SNTG2: variants seen among roughly 807,000 people sequenced by gnomAD.
SNTG2 encodes the protein syntrophin gamma 2, also known as gamma-2-syntrophin.
SNTG2 carries 74 observed loss-of-function variants against 70.9 expected under a neutral mutation model. The ratio of observed to expected loss-of-function variants is 1.04; its 90% CI spans 0.86 to 1.27. The LOEUF (loss-of-function observed/expected upper bound fraction) is 1.27. Among genes scored for constraint, SNTG2 ranks in the 50% most tolerant of loss-of-function variants. The pLI, the probability that SNTG2 is intolerant of heterozygous loss-of-function variation, is 0.00. For missense variants in SNTG2, 717 were observed against 690.7 expected (o/e 1.04, Z -0.43); for synonymous variants, 278 against 273.8 (o/e 1.02, Z -0.15).
At chr2:1,184,614 C>A (rs1672132710) in intron 8 of SNTG2, among the ~76,000 whole-genome samples, 1 of 152,108 alleles carries the variant, frequency 6.6e-6, no homozygotes, top group African/African-American at 2.4e-5. Flanking sequence ...ATGGCCAGAG[C>A]AGGAGGAAGA....
intron 8 of SNTG2, among the ~76,000 whole-genome samples, chr2:1,197,515 A>ATGTGTGTGTG (rs71299845): frequency 7.2e-4 from 93 of 128,378 alleles, no homozygotes; most frequent in South Asian, 2.2e-3. Context: ...ATGTATATAT[A>ATGTGTGTGTG]TGTGTGTGTG....
At chr2:1,117,207 C>T (rs1572483218) in intron 4 of SNTG2, among the ~76,000 whole-genome samples, 1 of 152,084 alleles carries the variant, frequency 6.6e-6, no homozygotes, top group Non-Finnish European at 1.5e-5. Context: ...GTAAGAACAT[C>T]ACTCAAGATG....
At position 1,225,002 on chromosome 2, in the gene SNTG2, C is replaced by T. The variant is rs574717105; in HGVS notation, c.720-12886C>T. On this transcript the variant is annotated intron_variant, in intron 9 of 16. Transcript: ENST00000308624. ...GAGCTGTGTAAGCAGTGGCCATTCA[C>T]GTGGCTTTAATGTACAGAAGAGGCT... 2.0e-4 allele frequency among the ~76,000 whole-genome samples: 30 copies of T among 152,330 alleles called. No individual in the cohort carries two copies. The South Asian group carries it at 4.3e-3, about 22-fold the overall frequency.
intron 16 of SNTG2, among the ~76,000 whole-genome samples, chr2:1,335,152 C>G (rs1353191792): frequency 6.7e-6 from 1 of 149,282 alleles, no homozygotes; most frequent in South Asian, 2.2e-4. Flanking sequence ...GTGCTCCTTG[C>G]GTAGAGGACC....
chr2:1,207,351 A>G (rs1463890541), intron 8 of SNTG2, among the ~76,000 whole-genome samples: 3 of 152,244 alleles, frequency 2.0e-5, no homozygotes, highest in African/African-American at 4.8e-5. Context: ...GCTATTGGCC[A>G]TGGAATTAAT....
intron 1 of SNTG2, among the ~76,000 whole-genome samples, chr2:1,020,837 A>AT (rs1161898635): frequency 2.0e-5 from 3 of 152,134 alleles, no homozygotes; most frequent in Admixed American, 6.5e-5. Flanking sequence ...GTATATATAT[A>AT]TTTTTTGCCA....
intron 1 of SNTG2, among the ~76,000 whole-genome samples, chr2:987,100 C>G (rs929434472): frequency 6.6e-6 from 1 of 152,208 alleles, no homozygotes; most frequent in African/African-American, 2.4e-5. Context: ...AGGTGGTTGC[C>G]ATCTGCCTGG....
At chr2:1,112,873 C>T (rs1408317085) in intron 4 of SNTG2, among the ~76,000 whole-genome samples, 1 of 151,300 alleles carries the variant, frequency 6.6e-6, no homozygotes, top group Non-Finnish European at 1.5e-5. Context: ...TGAGAAGAAT[C>T]GTGTGTACTA....
chr2:1,017,025 A>C (rs1473104579), intron 1 of SNTG2, among the ~76,000 whole-genome samples: 1 of 152,204 alleles, frequency 6.6e-6, no homozygotes, highest in Non-Finnish European at 1.5e-5. Context: ...TGAGTATTTT[A>C]ATCTTTCTTA....
chr2:1,019,947 G>A (rs1320187904), intron 1 of SNTG2, among the ~76,000 whole-genome samples: 2 of 152,292 alleles, frequency 1.3e-5, no homozygotes, highest in Non-Finnish European at 2.9e-5. Flanking sequence ...GGAAGCTGAG[G>A]TAGGAGAATT....
intron 8 of SNTG2, among the ~76,000 whole-genome samples, chr2:1,189,553 T>A (rs1260817633): frequency 6.8e-6 from 1 of 146,256 alleles, no homozygotes; most frequent in Non-Finnish European, 1.5e-5. Flanking sequence ...GGAAATATAA[T>A]GGGACTCTAA....
chr2:1,363,129 A>ACC (rs11453480), intron 16 of SNTG2, among the ~76,000 whole-genome samples: 5,879 of 140,512 alleles, frequency 0.042, 545 homozygotes, highest in African/African-American at 0.12. Context: ...CACAAAATGG[A>ACC]CCCCCCCCAT....
At chr2:976,403 G>A (rs1310845667) in intron 1 of SNTG2, among the ~76,000 whole-genome samples, 1 of 152,142 alleles carries the variant, frequency 6.6e-6, no homozygotes, top group Non-Finnish European at 1.5e-5. Flanking sequence ...ATTGTCTTTG[G>A]AATGATTGAG....
intron 4 of SNTG2, among the ~76,000 whole-genome samples, chr2:1,137,321 G>A (rs775341173): frequency 4.0e-5 from 6 of 149,712 alleles, no homozygotes; most frequent in Admixed American, 6.6e-5. Context: ...CACATCTCAC[G>A]TGGACACATG....
intron 6 of SNTG2, among the ~76,000 whole-genome samples, chr2:1,161,852 A>G (rs1572608593): frequency 6.6e-6 from 1 of 152,104 alleles, no homozygotes; most frequent in Non-Finnish European, 1.5e-5. Flanking sequence ...AGGCGGGCGG[A>G]TCACGAGGTC....
intron 4 of SNTG2, among the ~76,000 whole-genome samples, chr2:1,114,075 A>G (rs532605985): frequency 0.042 from 3,847 of 91,388 alleles, 30 homozygotes; most frequent in Middle Eastern, 0.12. Context: ...CTTTGAGGAG[A>G]ATCATGTGTA....
chr2:1,249,535 C>T (rs982061299), intron 12 of SNTG2, among the ~76,000 whole-genome samples: 3 of 152,310 alleles, frequency 2.0e-5, no homozygotes, highest in Non-Finnish European at 4.4e-5. Context: ...TCTTCTTCCC[C>T]GGTGGGAACC....
chr2:1,115,514 G>T (rs1430830185), intron 4 of SNTG2, among the ~76,000 whole-genome samples: 1 of 150,292 alleles, frequency 6.7e-6, no homozygotes, highest in Admixed American at 6.6e-5. Flanking sequence ...GTCCTTTGAG[G>T]AGGATCATGT....
chr2:953,762 CTTGTTT>C (rs1466447509), intron 1 of SNTG2, among the ~76,000 whole-genome samples: 6 of 152,138 alleles, frequency 3.9e-5, no homozygotes, highest in African/African-American at 7.2e-5. Flanking sequence ...AAAAGTGTGC[CTTGTTT>C]TTGTTTTTGT....
Sources: gnomAD v4.1 joint callset for allele counts (sites outside exome capture counted in the v4.1 genomes callset) on GRCh38, gnomAD v4.1.1 for gene constraint, MANE v1.5 for transcripts, NCBI Gene and HGNC (gene_info 2026-07-23, HGNC 2026-07-21) for gene names.